The following RPS6KA6 variants were observed in gnomAD, a reference collection of about 807,000 sequenced individuals.
RPS6KA6 encodes the protein ribosomal protein S6 kinase A6, also known as ribosomal protein S6 kinase alpha-6.
A neutral mutation model predicts 65.4 loss-of-function variants in RPS6KA6; 27 were observed. That is an observed-to-expected ratio of 0.41 (90% confidence interval 0.30 to 0.57). The LOEUF (loss-of-function observed/expected upper bound fraction) is 0.57, where lower values mean the gene tolerates loss of function less well. Ranked by LOEUF, RPS6KA6 falls within the 20% of genes least tolerant of loss-of-function variation. The probability of loss-of-function intolerance (pLI) is 0.24; values close to 1 mark genes in which losing one functional copy is unlikely to be tolerated. For missense variants in RPS6KA6, 486 were observed against 555.6 expected, an observed-to-expected ratio of 0.87 and a Z score of 1.26; for synonymous variants, 190 against 184.2, an observed-to-expected ratio of 1.03 and a Z score of -0.26.
chrX:84,188,389 G>C (rs1210755881), upstream of RPS6KA6, among the ~76,000 whole-genome samples: 3 of 109,671 alleles, frequency 2.7e-5, no homozygotes, highest in Non-Finnish European at 5.7e-5. Flanking sequence ...GTGGATGCGG[G>C]GGACCGCGTG....
intron 4 of RPS6KA6, among the ~76,000 whole-genome samples, chrX:84,147,787 ATTAAG>A (rs1699941995): frequency 8.9e-6 from 1 of 112,054 alleles, no homozygotes; most frequent in African/African-American, 3.2e-5. Flanking sequence ...ATATATCCTA[ATTAAG>A]TTAATAAGTT....
intron 20 of RPS6KA6, among the ~76,000 whole-genome samples, chrX:84,079,857 T>C (rs2033752608): frequency 1.8e-5 from 2 of 112,189 alleles, no homozygotes; most frequent in African/African-American, 6.5e-5. Context: ...TCCATCTCCC[T>C]GGGACAGAGC....
At chrX:84,129,141 T>C (rs904489514) in intron 8 of RPS6KA6, among the ~76,000 whole-genome samples, 3 of 110,770 alleles carry the variant, frequency 2.7e-5, no homozygotes, top group African/African-American at 6.6e-5. Context: ...CTCAAACAAC[T>C]CTACAGGAAA....
At chrX:84,145,598 G>T (rs746937880) in intron 5 of RPS6KA6, 41 bp from the exon 6 acceptor site, 7 of 757,675 alleles carry the variant, frequency 9.2e-6, no homozygotes, top group African/African-American at 2.2e-5. Context: ...TAATCTCAAA[G>T]GCTTAAAAAG....
At chrX:84,148,505 A>G (rs1192049865) in intron 3 of RPS6KA6, among the ~76,000 whole-genome samples, 1 of 111,370 alleles carries the variant, frequency 9.0e-6, no homozygotes, top group African/African-American at 3.3e-5. Context: ...GATTTAATAA[A>G]TCATAATGCA....
intron 1 of RPS6KA6, chrX:84,187,596 C>G (rs1025036659): frequency 4.2e-5 from 14 of 336,807 alleles, no homozygotes; most frequent in Non-Finnish European, 7.1e-5. Flanking sequence ...GGCGCTCCGC[C>G]CAAGGCCGAG....
intron 12 of RPS6KA6, among the ~76,000 whole-genome samples, chrX:84,108,226 A>T (rs1488182512): frequency 8.9e-6 from 1 of 112,001 alleles, no homozygotes; most frequent in Non-Finnish European, 1.9e-5. Context: ...TAATATATAA[A>T]AGCCACTTCT....
rs757608915 is a variant in RPS6KA6 at position 84,111,881 on chromosome X, G to A, written c.1009-4156C>T. ...TGCCTAAATGTTCCATCCAAAATACGTAGACCAGCAAGTTGGGTAACAGAC... is the reference window on the plus strand; with the variant it reads ...TGCCTAAATGTTCCATCCAAAATACATAGACCAGCAAGTTGGGTAACAGAC... On this transcript the variant is annotated intron_variant, in intron 12 of 21. Coordinates refer to ENST00000262752, the MANE Select transcript of RPS6KA6 (RefSeq NM_014496.5). 2.8e-3 allele frequency among the ~76,000 whole-genome samples: 307 copies of A among 111,395 alleles called. 2 individuals are homozygous for A. The highest frequency in any genetic ancestry group is 9.0e-3 in the African/African-American group (277 of 30,719).
At chrX:84,171,333 T>A (rs928556849) in intron 1 of RPS6KA6, among the ~76,000 whole-genome samples, 1 of 111,374 alleles carries the variant, frequency 9.0e-6, no homozygotes, top group African/African-American at 3.3e-5. Flanking sequence ...GCTGCTAAAT[T>A]TATGGTAATT....
intron 20 of RPS6KA6, among the ~76,000 whole-genome samples, chrX:84,076,697 T>C (rs1270013778): frequency 9.0e-6 from 1 of 111,422 alleles, no homozygotes; most frequent in East Asian, 2.8e-4. Context: ...TCATCCTTAA[T>C]GGTGAAAAAT....
chrX:84,155,420 G>T (rs1602469828), intron 3 of RPS6KA6, among the ~76,000 whole-genome samples: 1 of 111,136 alleles, frequency 9.0e-6, no homozygotes, highest in African/African-American at 3.3e-5. Context: ...TCATGTATTA[G>T]ATGTTAGGTA....
At chrX:84,146,141 T>G (rs2035195165) in intron 5 of RPS6KA6, among the ~76,000 whole-genome samples, 1 of 111,690 alleles carries the variant, frequency 9.0e-6, no homozygotes, top group Non-Finnish European at 1.9e-5. Context: ...TAATACAGTA[T>G]TTTTGCACAC....
chrX:84,135,345 A>G, intron 6 of RPS6KA6, 135 bp from the exon 7 acceptor site: 1 of 421,404 alleles, frequency 2.4e-6, no homozygotes, highest in East Asian at 4.1e-5. Flanking sequence ...TTCTTATTTG[A>G]CTGGCATAAT....
chrX:84,075,153 A>G (rs1021460292), intron 20 of RPS6KA6, among the ~76,000 whole-genome samples: 1 of 111,041 alleles, frequency 9.0e-6, no homozygotes, highest in Admixed American at 9.6e-5. Flanking sequence ...AATTACTTGA[A>G]CCTGGGAGGC....
chrX:84,115,804 C>A (rs1208599689), intron 12 of RPS6KA6, among the ~76,000 whole-genome samples: 7 of 111,579 alleles, frequency 6.3e-5, no homozygotes, highest in Non-Finnish European at 1.3e-4. Context: ...ATCTTTGCAG[C>A]AACATGGATG....
chrX:84,076,216 G>A (rs1312581375), intron 20 of RPS6KA6, among the ~76,000 whole-genome samples: 1 of 111,119 alleles, frequency 9.0e-6, no homozygotes, highest in African/African-American at 3.2e-5. Context: ...TGGCTTCACT[G>A]ATGAATCCCA....
At chrX:84,072,192 A>G in intron 20 of RPS6KA6, among the ~76,000 whole-genome samples, 1 of 111,918 alleles carries the variant, frequency 8.9e-6, no homozygotes, top group Non-Finnish European at 1.9e-5. Flanking sequence ...ACAGCACATT[A>G]AAAACATCAT....
intron 3 of RPS6KA6, 99 bp from the exon 4 acceptor site, chrX:84,148,222 T>C (rs2035235574): frequency 2.1e-6 from 1 of 468,540 alleles, no homozygotes; most frequent in East Asian, 3.8e-5. Context: ...CCTTGCATTT[T>C]CTCTAATTTT....
At chrX:84,080,599 C>T (rs1455533527) in intron 20 of RPS6KA6, among the ~76,000 whole-genome samples, 1 of 102,184 alleles carries the variant, frequency 9.8e-6, no homozygotes. Context: ...ATATTCAGGA[C>T]TTGAACTCAG....
Sources: allele counts gnomAD v4.1 joint callset (sites outside exome capture counted in the v4.1 genomes callset), GRCh38; gene constraint gnomAD v4.1.1; transcripts MANE v1.5; gene names NCBI Gene and HGNC (gene_info 2026-07-23, HGNC 2026-07-21).